The following FOXP2 variants were observed in gnomAD, a reference collection of about 807,000 sequenced individuals.
FOXP2 encodes forkhead box P2.
A neutral mutation model predicts 115.8 loss-of-function variants in FOXP2; 12 were observed. The ratio of observed to expected loss-of-function variants is 0.10; its 90% CI spans 0.07 to 0.17. FOXP2 has a LOEUF of 0.17. FOXP2 is among the 10% of genes least tolerant of loss of function. The probability of loss-of-function intolerance (pLI) is 1.00; values close to 1 mark genes in which losing one functional copy is unlikely to be tolerated. For missense variants in FOXP2, 629 were observed against 843.5 expected (o/e 0.75, Z 3.15); for synonymous variants, 328 against 297.7 (o/e 1.10, Z -1.05).
At chr7:114,602,006 TATTA>T (rs1468426819) in intron 3 of FOXP2, among the ~76,000 whole-genome samples, 1 of 152,114 alleles carries the variant, frequency 6.6e-6, no homozygotes, top group African/African-American at 2.4e-5. Flanking sequence ...TTAGATCATG[TATTA>T]ATTGTGTTGT....
intron 1 of FOXP2, among the ~76,000 whole-genome samples, chr7:114,234,428 A>G (rs1794960031): frequency 6.6e-6 from 1 of 152,244 alleles, no homozygotes; most frequent in African/African-American, 2.4e-5. Flanking sequence ...TTTAAATAGC[A>G]TTACTAAACA....
rs573739077 is a variant in FOXP2 at position 114,339,302 on chromosome 7, A to G, written c.-11+51193A>G. Among the ~76,000 whole-genome samples, 3 of 151,338 alleles carry G rather than the reference A, an allele frequency of 2.0e-5. No homozygotes were observed. In the East Asian group the frequency reaches 5.8e-4, roughly 29 times the overall value. ...ATATGATAATGTGATAAACTTAGTG[A>G]TTCCCTCTTTAGACTTTGATGTAGT... On this transcript the variant is annotated intron_variant, in intron 2 of 17. Transcript: ENST00000634411.
chr7:114,094,011 C>G (rs1799594392), intron 1 of FOXP2, among the ~76,000 whole-genome samples: 1 of 152,042 alleles, frequency 6.6e-6, no homozygotes, highest in African/African-American at 2.4e-5. Context: ...ACAGCAAGGA[C>G]AAGCCAAGTA....
At chr7:114,269,414 C>T (rs1795980518) in intron 1 of FOXP2, among the ~76,000 whole-genome samples, 2 of 152,114 alleles carry the variant, frequency 1.3e-5, no homozygotes, top group South Asian at 4.1e-4. Flanking sequence ...ACATGCTATT[C>T]TTGAATTAAA....
Position 114,692,548 on chromosome 7 carries a change from A to G in FOXP2, c.*2622A>G, listed in dbSNP as rs1808719612. The G allele has an allele frequency of 2.2e-6, 1 of 453,830 alleles. No homozygotes were observed. Among genetic ancestry groups the G allele is most frequent in the African/African-American group, 2.0e-5 (1 of 49,982 alleles). The allele number at this position is 453,830 out of a possible 1,614,324, so 28.1% of individuals were successfully genotyped here. On this transcript the variant is annotated 3_prime_UTR_variant, in exon 17 of 17. Transcript: ENST00000350908. ...GAAAAATGTTGCTTTAATGCATTTC[A>G]TGAATTTTTACTCTTATATCATTGC...
At chr7:114,189,412 G>A (rs951090136) in intron 1 of FOXP2, among the ~76,000 whole-genome samples, 3 of 152,106 alleles carry the variant, frequency 2.0e-5, no homozygotes, top group Non-Finnish European at 2.9e-5. Context: ...TATAGATTTA[G>A]ATGGTAAACC....
At chr7:114,529,520 A>G (rs1239063515) in intron 2 of FOXP2, among the ~76,000 whole-genome samples, 2 of 151,860 alleles carry the variant, frequency 1.3e-5, no homozygotes, top group African/African-American at 2.4e-5. Context: ...TTATTATACA[A>G]TAAGTAGTCT....
chr7:114,087,609 G>C (rs1799447899), upstream of FOXP2: 2 of 147,844 alleles, frequency 1.4e-5, no homozygotes, highest in South Asian at 1.8e-4. Flanking sequence ...TCGCGCTCGC[G>C]GCGGCGCACG....
chr7:114,690,214 C>T lies in FOXP2; in HGVS notation c.*288C>T, dbSNP rs1234043801. On this transcript the variant is annotated 3_prime_UTR_variant, in exon 17 of 17. Coordinates refer to ENST00000350908, the MANE Select transcript of FOXP2 (RefSeq NM_014491.4). The stretch of plus-strand genomic sequence containing the variant: ...AACTGTTCTTTCTATAATGGCTTTG[C>T]CCATTTAAAAAATGTGGCTCTTAAG... The T allele has an allele frequency of 2.0e-6, 1 of 488,208 alleles. No homozygotes were observed. Among genetic ancestry groups the T allele is most frequent in the East Asian group, 5.7e-5 (1 of 17,542 alleles). The allele number at this position is 488,208 out of a possible 1,614,324, so 30.2% of individuals were successfully genotyped here.
chr7:114,665,785 C>T (rs578182301), intron 16 of FOXP2: 1 of 152,180 alleles, frequency 6.6e-6, no homozygotes, highest in East Asian at 1.9e-4. Flanking sequence ...TAGCAGTATT[C>T]TAAAACAAGG....
At chr7:114,251,757 C>G (rs1278685697) in intron 1 of FOXP2, among the ~76,000 whole-genome samples, 2 of 152,190 alleles carry the variant, frequency 1.3e-5, no homozygotes, top group African/African-American at 2.4e-5. Context: ...TGACTTCTCT[C>G]TTTTCCTAAT....
chr7:114,279,177 A>G (rs557976740), intron 1 of FOXP2, among the ~76,000 whole-genome samples: 5 of 152,312 alleles, frequency 3.3e-5, no homozygotes, highest in African/African-American at 9.6e-5. Flanking sequence ...ATGATAATAT[A>G]CTGGTGTTAC....
At chr7:114,332,577 T>C (rs1797739229) in intron 2 of FOXP2, among the ~76,000 whole-genome samples, 1 of 152,222 alleles carries the variant, frequency 6.6e-6, no homozygotes, top group South Asian at 2.1e-4. Flanking sequence ...ATTTTTCACA[T>C]ACTGTATTTT....
rs75378470 is a variant in FOXP2, at chr7:114,240,678, C to T, written c.-101-47341C>T. On this transcript the variant is annotated intron_variant, in intron 1 of 17. Transcript: ENST00000634411. ...ATCTAACATATCTAGTTTTGCTATACAGATTCTTGAAAATATTTTCAAAAA... is the reference window on the plus strand; with the variant it reads ...ATCTAACATATCTAGTTTTGCTATATAGATTCTTGAAAATATTTTCAAAAA... Among the ~76,000 whole-genome samples the T allele has an allele frequency of 5.8e-3, 882 of 151,804 alleles. 10 individuals are homozygous for T. The highest frequency in any genetic ancestry group is 0.02 in the African/African-American group (846 of 41,464).
At chr7:114,417,751 A>C (rs576661497) in intron 1 of FOXP2, among the ~76,000 whole-genome samples, 2 of 152,134 alleles carry the variant, frequency 1.3e-5, no homozygotes, top group Non-Finnish European at 2.9e-5. Context: ...TGTAAAAATG[A>C]AAAGCAAATA....
At chr7:114,555,824 AAGAT>A (rs1438709791) in intron 3 of FOXP2, among the ~76,000 whole-genome samples, 2 of 152,146 alleles carry the variant, frequency 1.3e-5, no homozygotes, top group Non-Finnish European at 2.9e-5. Flanking sequence ...AACAAACAAA[AAGAT>A]AGAGAAAAGG....
intron 1 of FOXP2, among the ~76,000 whole-genome samples, chr7:114,154,227 A>G (rs573285331): frequency 6.6e-6 from 1 of 152,162 alleles, no homozygotes; most frequent in African/African-American, 2.4e-5. Context: ...GAAAGCATTA[A>G]TGTCTAGACT....
chr7:114,507,266 G>A (rs905975833), intron 2 of FOXP2, among the ~76,000 whole-genome samples: 2 of 151,782 alleles, frequency 1.3e-5, no homozygotes, highest in Admixed American at 6.6e-5. Context: ...TTTCTTGTCA[G>A]GAGTCTAAAA....
chr7:114,428,146 C>T (rs561512057), intron 2 of FOXP2, among the ~76,000 whole-genome samples: 1 of 151,476 alleles, frequency 6.6e-6, no homozygotes, highest in Non-Finnish European at 1.5e-5. Context: ...TAGCCAGATT[C>T]AATTTTGCCT....
Sources: gnomAD v4.1 joint callset for allele counts (sites outside exome capture counted in the v4.1 genomes callset) on GRCh38, gnomAD v4.1.1 for gene constraint, MANE v1.5 for transcripts, NCBI Gene and HGNC (gene_info 2026-07-23, HGNC 2026-07-21) for gene names.